The following STYX variants were observed in gnomAD, a reference collection of about 807,000 sequenced individuals.
STYX encodes serine/threonine/tyrosine interacting protein, also known as serine/threonine/tyrosine-interacting protein.
In STYX, 20 loss-of-function variants were observed where a neutral mutation model predicts 42.7. The observed-to-expected ratio is 0.47, with a 90% CI of 0.33 to 0.68. The LOEUF (loss-of-function observed/expected upper bound fraction) is 0.68, where lower values mean the gene tolerates loss of function less well. STYX is among the 30% of genes least tolerant of loss of function. The pLI, the probability that STYX is intolerant of heterozygous loss-of-function variation, is 0.02. For synonymous variants in STYX, 78 were observed against 81.9 expected (o/e 0.95, Z 0.26); for missense variants, 226 against 268.5 (o/e 0.84, Z 1.11).
intron 9 of STYX, among the ~76,000 whole-genome samples, chr14:52,760,780 A>G (rs1057398196): frequency 6.6e-6 from 1 of 151,670 alleles, no homozygotes; most frequent in Non-Finnish European, 1.5e-5. Context: ...TGTAGAAAAC[A>G]TTGTTTTTTT....
intron 9 of STYX, among the ~76,000 whole-genome samples, chr14:52,764,948 C>T (rs955543772): frequency 2.6e-5 from 4 of 152,048 alleles, no homozygotes; most frequent in Admixed American, 6.5e-5. Context: ...GGATTACGGG[C>T]GTGAGCCACG....
At chr14:52,764,944 C>CG (rs1882243966) in intron 9 of STYX, among the ~76,000 whole-genome samples, 1 of 152,168 alleles carries the variant, frequency 6.6e-6, no homozygotes, top group Non-Finnish European at 1.5e-5. Context: ...GCTGGGATTA[C>CG]GGGCGTGAGC....
chr14:52,737,871 G>A (rs1881017713), intron 1 of STYX, among the ~76,000 whole-genome samples: 1 of 152,178 alleles, frequency 6.6e-6, no homozygotes, highest in African/African-American at 2.4e-5. Flanking sequence ...CGCCTCCCGG[G>A]TTCACGCCAT....
chr14:52,750,115 A>G (rs963367590), intron 3 of STYX, among the ~76,000 whole-genome samples: 6 of 152,194 alleles, frequency 3.9e-5, no homozygotes, highest in African/African-American at 1.4e-4. Flanking sequence ...ATATAATAAG[A>G]TGTCATTGAA....
At chr14:52,741,373 C>A (rs1881186146) in intron 1 of STYX, among the ~76,000 whole-genome samples, 1 of 151,910 alleles carries the variant, frequency 6.6e-6, no homozygotes, top group African/African-American at 2.4e-5. Flanking sequence ...TTGGTGTTGT[C>A]AATTTTTTTA....
intron 4 of STYX, among the ~76,000 whole-genome samples, chr14:52,751,758 T>C (rs999101140): frequency 2.6e-5 from 4 of 152,238 alleles, no homozygotes; most frequent in African/African-American, 7.2e-5. Context: ...TGAAAGGATA[T>C]GTAAACATAT....
intron 9 of STYX, among the ~76,000 whole-genome samples, chr14:52,766,545 C>T (rs747386153): frequency 5.3e-5 from 8 of 152,066 alleles, no homozygotes; most frequent in Non-Finnish European, 7.4e-5. Context: ...TGGGCTCAAG[C>T]GATCCTCCCA....
At chr14:52,751,513 G>A (rs997333666) in intron 4 of STYX, among the ~76,000 whole-genome samples, 14 of 151,880 alleles carry the variant, frequency 9.2e-5, no homozygotes, top group Admixed American at 1.3e-4. Flanking sequence ...TTTCCAGTGC[G>A]TTGTATCAGT....
chr14:52,758,306 G>A (rs1189777008), intron 8 of STYX, among the ~76,000 whole-genome samples: 8 of 152,142 alleles, frequency 5.3e-5, no homozygotes, highest in Non-Finnish European at 1.5e-5. Context: ...ATTCAGAGTA[G>A]TCTTTCTTAT....
chr14:52,765,927 G>C (rs1053028320), intron 9 of STYX, among the ~76,000 whole-genome samples: 1 of 152,092 alleles, frequency 6.6e-6, no homozygotes, highest in Non-Finnish European at 1.5e-5. Flanking sequence ...CCGATTCTGG[G>C]GTCTGCAGTC....
At chr14:52,732,832 G>A (rs1374783068) in intron 1 of STYX, among the ~76,000 whole-genome samples, 1 of 151,210 alleles carries the variant, frequency 6.6e-6, no homozygotes, top group Non-Finnish European at 1.5e-5. Context: ...CACCACTCCC[G>A]TCTAATTTTT....
chr14:52,766,172 TTTG>T (rs1350524371), intron 9 of STYX, among the ~76,000 whole-genome samples: 10 of 151,702 alleles, frequency 6.6e-5, no homozygotes, highest in Non-Finnish European at 1.3e-4. Context: ...AAGTTTTTTG[TTTG>T]TTGTTGTTTG....
intron 3 of STYX, among the ~76,000 whole-genome samples, chr14:52,750,426 G>T (rs1881565731): frequency 1.3e-5 from 2 of 152,052 alleles, no homozygotes; most frequent in African/African-American, 4.8e-5. Flanking sequence ...TTACATAAAG[G>T]TTCCATCAAG....
At chr14:52,755,150 T>A (rs1881810440) in intron 4 of STYX, among the ~76,000 whole-genome samples, 2 of 145,826 alleles carry the variant, frequency 1.4e-5, no homozygotes, top group African/African-American at 5.1e-5. Context: ...TGAAACAGAG[T>A]CTTGCTGTTT....
chr14:52,743,892 G>C (rs906474042), intron 1 of STYX, among the ~76,000 whole-genome samples: 4 of 152,158 alleles, frequency 2.6e-5, no homozygotes, highest in African/African-American at 9.7e-5. Flanking sequence ...GGTGATCTCA[G>C]CTCATTGCAA....
intron 2 of STYX, 136 bp from the exon 3 acceptor site, chr14:52,746,290 A>G (rs900677275): frequency 1.7e-6 from 1 of 583,624 alleles, no homozygotes; most frequent in Non-Finnish European, 2.8e-6. Flanking sequence ...AAAAAAGATT[A>G]AAAAAATAGA....
At position 52,744,876 on chromosome 14, in the gene STYX, G is replaced by A. The variant is rs1273271172; in HGVS notation, c.82G>A (p.Glu28Lys). ...AEEWTYPMRR[E>K]MQEILPGLFL... is the part of the protein sequence containing the mutation. ...GGAGTGGACCTACCCTATGAGACGA[G>A]AGATGCAGGTATGGCAACCTTTTCT... Residue 28 changes from glutamate (E) to lysine (K), a missense_variant, in exon 2 of 11, where the codon GAG becomes AAG. By Grantham distance (56) the Glu-to-Lys change is moderately conservative. Coordinates refer to ENST00000354586, the MANE Select transcript of STYX (RefSeq NM_145251.4). 6.2e-7 allele frequency: 1 copy of A among 1,613,166 alleles called. No homozygotes were observed. Among genetic ancestry groups the A allele is most frequent in the East Asian group, 2.2e-5 (1 of 44,772 alleles).
chr14:52,751,303 A>G (rs1176507543), intron 4 of STYX, among the ~76,000 whole-genome samples: 3 of 152,152 alleles, frequency 2.0e-5, no homozygotes, highest in African/African-American at 7.2e-5. Flanking sequence ...AATCCATTGT[A>G]TGGCTATACT....
chr14:52,750,650 C>G (rs977878651), intron 3 of STYX, 33 bp from the exon 4 acceptor site: 1 of 1,323,278 alleles, frequency 7.6e-7, no homozygotes, highest in East Asian at 2.4e-5. Context: ...TATTTATCTT[C>G]CCTGTCCTCC....
Sources: allele counts gnomAD v4.1 joint callset (sites outside exome capture counted in the v4.1 genomes callset), GRCh38; gene constraint gnomAD v4.1.1; transcripts MANE v1.5; gene names NCBI Gene and HGNC (gene_info 2026-07-23, HGNC 2026-07-21).